Variants in SRP54 observed in about 807,000 individuals in gnomAD.
The protein encoded by SRP54 is signal recognition particle 54.
In SRP54, 10 loss-of-function variants were observed where a neutral mutation model predicts 64.8. That is an observed-to-expected ratio of 0.15 (90% CI 0.10 to 0.26). The LOEUF (loss-of-function observed/expected upper bound fraction) is 0.26, where lower values mean the gene tolerates loss of function less well. Among genes scored for constraint, SRP54 ranks in the 10% least tolerant of loss-of-function variants. The pLI is 1.00. For synonymous variants in SRP54, 193 were observed against 185.6 expected (o/e 1.04, Z -0.32); for missense variants, 325 against 613.7 (o/e 0.53, Z 4.97).
At chr14:35,009,882 A>C (rs943939337) in intron 7 of SRP54, among the ~76,000 whole-genome samples, 8 of 152,016 alleles carry the variant, frequency 5.3e-5, no homozygotes, top group Non-Finnish European at 1.2e-4. Context: ...AAATTTAAAA[A>C]ATTTTCAGGC....
chr14:35,003,435 C>T (rs1431699463), intron 4 of SRP54, among the ~76,000 whole-genome samples: 3 of 151,918 alleles, frequency 2.0e-5, no homozygotes, highest in Non-Finnish European at 4.4e-5. Context: ...AGTGCAGTGG[C>T]GTGATCAGAG....
intron 3 of SRP54, among the ~76,000 whole-genome samples, chr14:35,000,181 C>T (rs2044146873): frequency 1.3e-5 from 2 of 152,176 alleles, no homozygotes; most frequent in African/African-American, 4.8e-5. Flanking sequence ...CAGTTAACTG[C>T]TTGAGTCTTA....
intron 8 of SRP54, 38 bp from the exon 9 acceptor site, chr14:35,013,308 A>G (rs200193358): frequency 5.2e-5 from 82 of 1,579,042 alleles, no homozygotes; most frequent in Non-Finnish European, 3.8e-5. Flanking sequence ...ATCAATAAAA[A>G]TCTTTTCTAA....
chr14:35,026,958 C>CA (rs940765451), intron 14 of SRP54, among the ~76,000 whole-genome samples: 14 of 150,008 alleles, frequency 9.3e-5, no homozygotes, highest in Non-Finnish European at 1.6e-4. Context: ...CAAAACAAAA[C>CA]AAAAAAAACT....
At chr14:34,998,977 G>A (rs1346050142) in intron 2 of SRP54, among the ~76,000 whole-genome samples, 1 of 70,026 alleles carries the variant, frequency 1.4e-5, no homozygotes, top group African/African-American at 5.8e-5. Context: ...GTGTGTATGT[G>A]TGTGTGTGTG....
chr14:35,018,799 GTTTTCATTAAAT>G, intron 12 of SRP54, 34 bp downstream of exon 12: 1 of 1,572,864 alleles, frequency 6.4e-7, no homozygotes, highest in Non-Finnish European at 8.7e-7. Flanking sequence ...ACCTTCTTTT[GTTTTCATTAAAT>G]TTTCTAAAAT....
At chr14:34,995,562 T>C (rs1312536122) in intron 1 of SRP54, among the ~76,000 whole-genome samples, 2 of 152,160 alleles carry the variant, frequency 1.3e-5, no homozygotes, top group Admixed American at 1.3e-4. Flanking sequence ...CAAATCATAT[T>C]TGCTTGTTTA....
At chr14:35,005,985 G>A (rs771927495) in intron 4 of SRP54, among the ~76,000 whole-genome samples, 7 of 152,006 alleles carry the variant, frequency 4.6e-5, no homozygotes, top group Non-Finnish European at 7.4e-5. Flanking sequence ...GACTACAGGC[G>A]CCTGCCACCA....
intron 1 of SRP54, among the ~76,000 whole-genome samples, chr14:34,989,254 C>T (rs772354162): frequency 6.6e-6 from 1 of 152,110 alleles, no homozygotes; most frequent in Non-Finnish European, 1.5e-5. Flanking sequence ...GTCTATAATC[C>T]GAGCACTTTG....
chr14:35,002,934 C>T (rs1272605900), intron 4 of SRP54, among the ~76,000 whole-genome samples: 1 of 151,476 alleles, frequency 6.6e-6, no homozygotes, highest in African/African-American at 2.4e-5. Context: ...TTTGTAGAGA[C>T]AAGGTTTTGC....
intron 11 of SRP54, among the ~76,000 whole-genome samples, chr14:35,016,858 T>C (rs1595008277): frequency 7.2e-6 from 1 of 138,358 alleles, no homozygotes; most frequent in Non-Finnish European, 1.5e-5. Flanking sequence ...TTTTTTTTTT[T>C]TTCTTCTTTT....
chr14:35,010,712 C>T (rs2044342907), intron 7 of SRP54, among the ~76,000 whole-genome samples: 1 of 151,928 alleles, frequency 6.6e-6, no homozygotes, highest in Non-Finnish European at 1.5e-5. Context: ...TGGCAGTGAG[C>T]CGAGATCGCA....
At chr14:35,024,554 TTTTA>T in intron 14 of SRP54, among the ~76,000 whole-genome samples, 1 of 152,176 alleles carries the variant, frequency 6.6e-6, no homozygotes, top group South Asian at 2.1e-4. Flanking sequence ...TACCTTTTAT[TTTTA>T]TTTATATTTT....
chr14:35,023,338 A>T (rs1288803146), intron 14 of SRP54, among the ~76,000 whole-genome samples: 1 of 151,988 alleles, frequency 6.6e-6, no homozygotes, highest in Non-Finnish European at 1.5e-5. Context: ...TGAACACATT[A>T]TATTAAATTT....
chr14:35,013,706 A>T lies in SRP54; in HGVS notation c.786-96A>T. On this transcript the variant is annotated intron_variant, in intron 9 of 15. Transcript: ENST00000216774. ...AAACTTGAGTTTTGTACCTTTGTCTAATTAGCTTTGGAGGCGGATTCACTT... is the reference window on the plus strand; with the variant it reads ...AAACTTGAGTTTTGTACCTTTGTCTTATTAGCTTTGGAGGCGGATTCACTT... The T allele has an allele frequency of 5.1e-6, 6 of 1,181,390 alleles. No individual in the cohort carries two copies. The Admixed American group carries it at 7.0e-5, about 14-fold the overall frequency. 73.2% of individuals were successfully genotyped at this position (1,181,390 alleles called of 1,614,324 possible).
intron 14 of SRP54, among the ~76,000 whole-genome samples, chr14:35,024,275 C>T (rs758878670): frequency 3.9e-5 from 6 of 152,088 alleles, no homozygotes; most frequent in Non-Finnish European, 5.9e-5. Flanking sequence ...ATGATGTGCC[C>T]GCCTCGGACT....
At chr14:34,994,415 G>A (rs2044033598) in intron 1 of SRP54, among the ~76,000 whole-genome samples, 1 of 152,138 alleles carries the variant, frequency 6.6e-6, no homozygotes, top group Admixed American at 6.5e-5. Flanking sequence ...CAGTTGTTTT[G>A]AAGAGTTACC....
intron 14 of SRP54, among the ~76,000 whole-genome samples, chr14:35,026,636 G>C (rs1286101716): frequency 6.6e-6 from 1 of 152,090 alleles, no homozygotes; most frequent in Non-Finnish European, 1.5e-5. Flanking sequence ...ATTCTCTGAA[G>C]GTTTTCATTA....
chr14:35,011,396 A>C (rs1441303614), intron 7 of SRP54, 113 bp from the exon 8 acceptor site: 11 of 708,360 alleles, frequency 1.6e-5, no homozygotes, highest in Non-Finnish European at 2.4e-5. Context: ...TTCTAAATTG[A>C]AATTGGGGTC....
Sources: allele counts gnomAD v4.1 joint callset (sites outside exome capture counted in the v4.1 genomes callset), GRCh38; gene constraint gnomAD v4.1.1; transcripts MANE v1.5; gene names NCBI Gene and HGNC (gene_info 2026-07-23, HGNC 2026-07-21).